The following CDH9 variants were observed in gnomAD, a reference collection of about 807,000 sequenced individuals.
The protein encoded by CDH9 is cadherin-9.
CDH9 carries 28 observed loss-of-function variants against 70.9 expected under a neutral mutation model. That is an observed-to-expected ratio of 0.40 (90% CI 0.29 to 0.54). CDH9 has a LOEUF of 0.54. Ranked by LOEUF, CDH9 falls within the 20% of genes least tolerant of loss-of-function variation. The pLI is 0.59. For synonymous variants in CDH9, 409 were observed against 343.1 expected, an observed-to-expected ratio of 1.19 and a Z score of -2.12; for missense variants, 874 against 984.4, an observed-to-expected ratio of 0.89 and a Z score of 1.50.
chr5:27,033,759 T>A (rs554491410), intron 1 of CDH9, among the ~76,000 whole-genome samples: 4 of 151,598 alleles, frequency 2.6e-5, no homozygotes, highest in Non-Finnish European at 5.9e-5. Context: ...TACAGTAACC[T>A]GCTTTGGTAG....
intron 6 of CDH9, 126 bp from the exon 7 acceptor site, chr5:26,902,855 C>A: frequency 6.7e-6 from 4 of 601,148 alleles, no homozygotes; most frequent in Non-Finnish European, 1.2e-5. Context: ...ACAATGATTG[C>A]TTCATAGGTA....
intron 2 of CDH9, among the ~76,000 whole-genome samples, chr5:26,972,298 G>T (rs900976610): frequency 6.6e-6 from 1 of 152,156 alleles, no homozygotes; most frequent in African/African-American, 2.4e-5. Context: ...GTATTTTGGA[G>T]TTTGGAAGAG....
intron 2 of CDH9, among the ~76,000 whole-genome samples, chr5:26,924,530 T>TTA (rs1213015932): frequency 1.3e-5 from 2 of 148,946 alleles, no homozygotes; most frequent in East Asian, 2.0e-4. Context: ...TATATATATA[T>TTA]TATATATATA....
chr5:26,988,412 T>C lies in CDH9; in HGVS notation c.-49-30A>G. On this transcript the variant is annotated intron_variant, in intron 1 of 11. Transcript: ENST00000231021. ...AGAGTAAGGAGAAAAAAAATGGCTGTATTAGCTTGAGTTTCACTTTCCCAC... is the reference window on the plus strand; with the variant it reads ...AGAGTAAGGAGAAAAAAAATGGCTGCATTAGCTTGAGTTTCACTTTCCCAC... The C allele has an allele frequency of 2.0e-6, 3 of 1,537,044 alleles. No homozygotes were observed. The South Asian group carries it at 3.7e-5, about 19-fold the overall frequency.
chr5:26,976,434 T>C (rs1742303781), intron 2 of CDH9, among the ~76,000 whole-genome samples: 1 of 150,666 alleles, frequency 6.6e-6, no homozygotes, highest in Admixed American at 6.6e-5. Flanking sequence ...TATTTTACAG[T>C]CCTCTAATTT....
chr5:26,944,069 CTCATGATTATT>C (rs1253938988), intron 2 of CDH9, among the ~76,000 whole-genome samples: 1 of 151,956 alleles, frequency 6.6e-6, no homozygotes, highest in Non-Finnish European at 1.5e-5. Flanking sequence ...TTTTGCTTTG[CTCATGATTATT>C]TTTAGTCCAT....
chr5:26,970,988 T>C (rs1361460161), intron 2 of CDH9, among the ~76,000 whole-genome samples: 2 of 152,142 alleles, frequency 1.3e-5, no homozygotes, highest in African/African-American at 4.8e-5. Context: ...ATGTTAGCAG[T>C]AAAAACATTA....
chr5:26,922,059 G>GA (rs1353628571), intron 2 of CDH9, among the ~76,000 whole-genome samples: 1 of 150,062 alleles, frequency 6.7e-6, no homozygotes, highest in Admixed American at 6.7e-5. Flanking sequence ...GAGAAAGAGA[G>GA]AATAAAAATG....
chr5:26,984,781 C>T (rs2112088093), intron 2 of CDH9, among the ~76,000 whole-genome samples: 1 of 152,236 alleles, frequency 6.6e-6, no homozygotes, highest in Admixed American at 6.5e-5. Context: ...AACAGTACAA[C>T]ATTTCGCTTA....
At chr5:27,010,309 AATG>A (rs556406247) in intron 1 of CDH9, among the ~76,000 whole-genome samples, 102 of 152,196 alleles carry the variant, frequency 6.7e-4, no homozygotes, top group Middle Eastern at 3.4e-3. Context: ...ACGTAAGTGG[AATG>A]ATGATGTATT....
intron 11 of CDH9, among the ~76,000 whole-genome samples, chr5:26,882,840 C>T (rs1323734519): frequency 6.6e-6 from 1 of 151,164 alleles, no homozygotes; most frequent in African/African-American, 2.4e-5. Flanking sequence ...TACTCATTGT[C>T]ATTGAGACTA....
At chr5:26,976,500 C>T (rs762829715) in intron 2 of CDH9, among the ~76,000 whole-genome samples, 37 of 152,000 alleles carry the variant, frequency 2.4e-4, no homozygotes, top group Non-Finnish European at 5.0e-4. Context: ...TGCAGTGGTG[C>T]GATCTTGGCT....
At chr5:26,920,849 C>A (rs545939693) in intron 2 of CDH9, among the ~76,000 whole-genome samples, 1 of 152,300 alleles carries the variant, frequency 6.6e-6, no homozygotes, top group South Asian at 2.1e-4. Context: ...AAGATTACAA[C>A]ACCCATGTTC....
At chr5:26,899,951 A>G (rs562018418) in intron 7 of CDH9, among the ~76,000 whole-genome samples, 1 of 152,018 alleles carries the variant, frequency 6.6e-6, no homozygotes, top group Non-Finnish European at 1.5e-5. Flanking sequence ...AAATTTCAAA[A>G]AAGTTTTGTC....
intron 9 of CDH9, 34 bp from the exon 10 acceptor site, chr5:26,886,117 C>G (rs1296812413): frequency 6.4e-7 from 1 of 1,561,454 alleles, no homozygotes; most frequent in South Asian, 1.2e-5. Context: ...ATTAATTAAG[C>G]CTAAGGCAAT....
At chr5:26,988,834 C>T (rs1180811814) in intron 1 of CDH9, among the ~76,000 whole-genome samples, 1 of 151,802 alleles carries the variant, frequency 6.6e-6, no homozygotes, top group Non-Finnish European at 1.5e-5. Flanking sequence ...CTGTTTTTCT[C>T]CTCTGCCCCC....
chr5:26,925,641 T>G (rs746995791), intron 2 of CDH9, among the ~76,000 whole-genome samples: 2 of 152,148 alleles, frequency 1.3e-5, no homozygotes, highest in Non-Finnish European at 2.9e-5. Context: ...ATGTCCTAAA[T>G]GGTATTGCCT....
intron 2 of CDH9, among the ~76,000 whole-genome samples, chr5:26,933,758 G>C (rs549718355): frequency 6.6e-6 from 1 of 150,862 alleles, no homozygotes; most frequent in Non-Finnish European, 1.5e-5. Context: ...CCAGCCAGGC[G>C]ACAGAGCAAG....
rs149084666 is a variant in CDH9, at chr5:26,967,476, G to T, written c.228+20630C>A. Reference sequence around the variant, plus strand: ...TTTAAAGTAATTTTAAGTTAATATTGTTAGAGAAGTTATTTAATTACTGTA... The same window carrying T: ...TTTAAAGTAATTTTAAGTTAATATTTTTAGAGAAGTTATTTAATTACTGTA... On this transcript the variant is annotated intron_variant, in intron 2 of 11. Coordinates refer to ENST00000231021, the MANE Select transcript of CDH9 (RefSeq NM_016279.4). Among the ~76,000 whole-genome samples the T allele has an allele frequency of 6.4e-3, 976 of 152,130 alleles. 11 individuals are homozygous for T. Among genetic ancestry groups the T allele is most frequent in the African/African-American group, 0.022 (917 of 41,506 alleles).
Sources: gnomAD v4.1 joint callset for allele counts (sites outside exome capture counted in the v4.1 genomes callset) on GRCh38, gnomAD v4.1.1 for gene constraint, MANE v1.5 for transcripts, NCBI Gene and HGNC (gene_info 2026-07-23, HGNC 2026-07-21) for gene names.